Variants in SHC3 observed in about 807,000 individuals in gnomAD.
SHC3 encodes SHC-transforming protein 3.
Under a neutral mutation model 60.4 loss-of-function variants are expected in SHC3, and 15 were observed. The ratio of observed to expected loss-of-function variants is 0.25; its 90% confidence interval spans 0.17 to 0.38. The LOEUF is 0.38. SHC3 is among the 10% of genes least tolerant of loss of function. The pLI is 1.00. For synonymous variants in SHC3, 294 were observed against 325.9 expected (o/e 0.90, Z 1.05); for missense variants, 677 against 786.1 (o/e 0.86, Z 1.66).
At chr9:89,034,591 CAA>C (rs1205011484) in intron 11 of SHC3, among the ~76,000 whole-genome samples, 1 of 152,180 alleles carries the variant, frequency 6.6e-6, no homozygotes, top group African/African-American at 2.4e-5. Context: ...CTGGAAGAAG[CAA>C]AGTGTCCAGG....
intron 1 of SHC3, among the ~76,000 whole-genome samples, chr9:89,152,099 T>G (rs1300180779): frequency 6.6e-6 from 1 of 152,242 alleles, no homozygotes; most frequent in Non-Finnish European, 1.5e-5. Flanking sequence ...TCAGGGGAAG[T>G]GGCCATATGT....
At position 89,152,932 on chromosome 9, in the gene SHC3, G is replaced by A. The variant is rs145959253; in HGVS notation, c.474+25055C>T. Among the ~76,000 whole-genome samples the A allele has an allele frequency of 2.1e-3, 324 of 152,184 alleles. 3 individuals are homozygous for A. The highest frequency in any genetic ancestry group is 6.6e-3 in the African/African-American group (272 of 41,520). On this transcript the variant is annotated intron_variant, in intron 1 of 11. Transcript: ENST00000375835. ...TTGTTTAATTTAAAAGATAATTGCCGTAAACTAATCAATGGTGACAGAAGT... is the reference window on the plus strand; with the variant it reads ...TTGTTTAATTTAAAAGATAATTGCCATAAACTAATCAATGGTGACAGAAGT...
In SHC3 at chr9:89,152,069, T is replaced by C. The variant is rs1189755590; in HGVS notation, c.474+25918A>G. Among the ~76,000 whole-genome samples, 5 of 152,220 alleles carry C rather than the reference T, an allele frequency of 3.3e-5. No individual in the cohort carries two copies. The East Asian group carries it at 7.7e-4, about 23-fold the overall frequency. On this transcript the variant is annotated intron_variant, in intron 1 of 11. Transcript: ENST00000375835. ...GTTAGCGGAGCCAGCCCCTAGTGATTTGAGTAGCTTCAGATTATGTCAGGG... is the reference window on the plus strand; with the variant it reads ...GTTAGCGGAGCCAGCCCCTAGTGATCTGAGTAGCTTCAGATTATGTCAGGG...
At chr9:89,020,318 GAGGC>G (rs1367811659) in intron 11 of SHC3, among the ~76,000 whole-genome samples, 1 of 152,028 alleles carries the variant, frequency 6.6e-6, no homozygotes, top group East Asian at 1.9e-4. Context: ...TGGAGGGTGA[GAGGC>G]AGCAGGGCAG....
At chr9:89,149,979 C>CA (rs1826522591) in intron 1 of SHC3, among the ~76,000 whole-genome samples, 1 of 152,158 alleles carries the variant, frequency 6.6e-6, no homozygotes, top group Non-Finnish European at 1.5e-5. Context: ...TCCCAGTTAT[C>CA]AGGCTGACTG....
At position 89,024,929 on chromosome 9, in the gene SHC3, C is replaced by G. The variant is rs561199443; in HGVS notation, c.1657-11354G>C. ...AAGAGAGGTGTGGTGTGGCGGGGAA[C>G]CCAGGAGGGGCAGCTGGGGCTGAGG... On this transcript the variant is annotated intron_variant, in intron 11 of 11. Coordinates refer to ENST00000375835, the MANE Select transcript of SHC3 (RefSeq NM_016848.6). Among the ~76,000 whole-genome samples the G allele has an allele frequency of 2.0e-4, 30 of 152,228 alleles. No individual in the cohort carries two copies. In the South Asian group the frequency reaches 5.0e-3, roughly 25 times the overall value.
intron 6 of SHC3, among the ~76,000 whole-genome samples, chr9:89,059,139 AG>A (rs1825014924): frequency 8.7e-6 from 1 of 114,414 alleles, no homozygotes; most frequent in African/African-American, 3.5e-5. Flanking sequence ...ACGGTGGTGG[AG>A]GATGTGGTGG....
chr9:89,080,345 AT>A (rs1825424074), intron 2 of SHC3, among the ~76,000 whole-genome samples: 1 of 152,140 alleles, frequency 6.6e-6, no homozygotes, highest in Admixed American at 6.5e-5. Context: ...AAAATGGGAC[AT>A]TTGGCAACCT....
chr9:89,094,926 A>G (rs1190586864), intron 2 of SHC3, among the ~76,000 whole-genome samples: 1 of 151,816 alleles, frequency 6.6e-6, no homozygotes, highest in Non-Finnish European at 1.5e-5. Flanking sequence ...AATGGTCACT[A>G]ACAACAACAA....
chr9:89,175,287 G>A (rs1053653534), intron 1 of SHC3, among the ~76,000 whole-genome samples: 3 of 152,226 alleles, frequency 2.0e-5, no homozygotes, highest in Non-Finnish European at 4.4e-5. Context: ...GCCTTTCTGT[G>A]TGCATAGCCC....
At chr9:89,113,243 G>C (rs1023786657) in intron 1 of SHC3, among the ~76,000 whole-genome samples, 1 of 152,148 alleles carries the variant, frequency 6.6e-6, no homozygotes, top group African/African-American at 2.4e-5. Flanking sequence ...GCTAAATTTT[G>C]ATCAGTTTCA....
At chr9:89,083,765 C>T (rs546704187) in intron 2 of SHC3, among the ~76,000 whole-genome samples, 152 of 152,294 alleles carry the variant, frequency 1.0e-3, no homozygotes, top group Non-Finnish European at 1.7e-3. Context: ...CGGCCTCTCT[C>T]TTTTTCTCAT....
chr9:89,136,393 AAAC>A (rs1420247187), intron 1 of SHC3, among the ~76,000 whole-genome samples: 1 of 152,196 alleles, frequency 6.6e-6, no homozygotes. Flanking sequence ...CTTGCTGATA[AAAC>A]AGCTTATAGC....
intron 10 of SHC3, among the ~76,000 whole-genome samples, chr9:89,039,604 C>A (rs1412905760): frequency 6.6e-6 from 1 of 152,156 alleles, no homozygotes; most frequent in Non-Finnish European, 1.5e-5. Flanking sequence ...TTGGCACCAC[C>A]ACCACCATCA....
chr9:89,117,066 A>G (rs1826029329), intron 1 of SHC3, among the ~76,000 whole-genome samples: 2 of 152,224 alleles, frequency 1.3e-5, no homozygotes, highest in South Asian at 4.1e-4. Context: ...TTGAAGAGTG[A>G]TGTGGTTACC....
intron 1 of SHC3, among the ~76,000 whole-genome samples, chr9:89,174,582 GC>G (rs540691810): frequency 1.1e-3 from 167 of 152,184 alleles, no homozygotes; most frequent in Non-Finnish European, 2.1e-3. Flanking sequence ...TTTACATTGG[GC>G]CTCCTGATTC....
intron 2 of SHC3, among the ~76,000 whole-genome samples, chr9:89,107,167 G>A (rs962250167): frequency 6.6e-6 from 1 of 152,096 alleles, no homozygotes; most frequent in Non-Finnish European, 1.5e-5. Flanking sequence ...GGCCCAAGTC[G>A]TACACCTGCC....
chr9:89,067,655 T>A (rs557589447), intron 5 of SHC3, among the ~76,000 whole-genome samples: 1 of 152,306 alleles, frequency 6.6e-6, no homozygotes, highest in East Asian at 1.9e-4. Flanking sequence ...AAGAATTGAG[T>A]CATCCAGGTG....
At chr9:89,071,298 T>C in intron 4 of SHC3, 46 bp from the exon 5 acceptor site, 1 of 1,602,926 alleles carries the variant, frequency 6.2e-7, no homozygotes, top group Non-Finnish European at 8.5e-7. Flanking sequence ...TATCGCCCTT[T>C]CCACATTTTG....
Sources: gnomAD v4.1 joint callset for allele counts (sites outside exome capture counted in the v4.1 genomes callset) on GRCh38, gnomAD v4.1.1 for gene constraint, MANE v1.5 for transcripts, NCBI Gene and HGNC (gene_info 2026-07-23, HGNC 2026-07-21) for gene names.